OR9Q1: variants seen among roughly 807,000 people sequenced by gnomAD.
OR9Q1 encodes the protein olfactory receptor 9Q1.
For synonymous variants in OR9Q1, 153 were observed against 148.6 expected (o/e 1.03, Z -0.22); for missense variants, 374 against 378.8 (o/e 0.99, Z 0.11).
chr11:58,060,676 A>C (rs186545246), intron 2 of OR9Q1, among the ~76,000 whole-genome samples: 378 of 152,362 alleles, frequency 2.5e-3, no homozygotes, highest in African/African-American at 8.8e-3. Context: ...TGTCTCTGCT[A>C]AAAGTACAAA....
At chr11:58,128,927 G>T (rs931719486) in intron 2 of OR9Q1, among the ~76,000 whole-genome samples, 1 of 152,144 alleles carries the variant, frequency 6.6e-6, no homozygotes. Context: ...TACATGGAAA[G>T]CATGTCCTGT....
intron 1 of OR9Q1, among the ~76,000 whole-genome samples, chr11:58,036,577 T>C (rs1470566636): frequency 1.3e-5 from 2 of 152,214 alleles, no homozygotes; most frequent in Admixed American, 1.3e-4. Flanking sequence ...TCATTCTAGG[T>C]GCCATTAAGA....
chr11:58,108,599 GC>G (rs1351150434), intron 2 of OR9Q1: 1 of 162,350 alleles, frequency 6.2e-6, no homozygotes, highest in Non-Finnish European at 1.3e-5. Context: ...CCACTTACAG[GC>G]ACTGAAGAAA....
intron 1 of OR9Q1, among the ~76,000 whole-genome samples, chr11:58,036,749 G>A (rs568270104): frequency 2.0e-5 from 3 of 152,342 alleles, no homozygotes; most frequent in Admixed American, 1.3e-4. Flanking sequence ...ATTAGAAGTG[G>A]AGCCTGAAGA....
chr11:58,069,008 T>C (rs994702542), intron 2 of OR9Q1, among the ~76,000 whole-genome samples: 1 of 152,150 alleles, frequency 6.6e-6, no homozygotes, highest in African/African-American at 2.4e-5. Context: ...GGGGAAATTC[T>C]GCTTGTTAGT....
At position 58,107,944 on chromosome 11, in the gene OR9Q1, A is replaced by T. The variant is rs144452235; in HGVS notation, c.-15+51997A>T. Among the ~76,000 whole-genome samples the T allele has an allele frequency of 5.9e-5, 9 of 152,264 alleles. No homozygotes were observed. The South Asian group carries it at 8.3e-4, about 14-fold the overall frequency. ...GTAGTATCAATTGAGACTACTTGCT[A>T]CAGGTCTATCATTGTTGACTTTGCA... On this transcript the variant is annotated intron_variant, in intron 2 of 2. Coordinates refer to ENST00000335397, the MANE Select transcript of OR9Q1 (RefSeq NM_001005212.4).
At chr11:58,123,447 T>A (rs1854055995) in intron 2 of OR9Q1, among the ~76,000 whole-genome samples, 1 of 152,194 alleles carries the variant, frequency 6.6e-6, no homozygotes, top group African/African-American at 2.4e-5. Flanking sequence ...TGTTCAAGGC[T>A]CCTGACCAGA....
At chr11:58,125,466 T>A (rs1854082041) in intron 2 of OR9Q1, 1 of 152,218 alleles carries the variant, frequency 6.6e-6, no homozygotes. Context: ...ATCTTGGCCT[T>A]GTAGTCAAGC....
chr11:58,068,494 C>T (rs538218340), intron 2 of OR9Q1, among the ~76,000 whole-genome samples: 1 of 152,206 alleles, frequency 6.6e-6, no homozygotes, highest in African/African-American at 2.4e-5. Flanking sequence ...GTAGGAAGAT[C>T]GTCTTAGCAT....
intron 2 of OR9Q1, among the ~76,000 whole-genome samples, chr11:58,121,191 A>AAATAATT (rs1249381039): frequency 3.9e-5 from 6 of 152,206 alleles, no homozygotes. Context: ...AAATTGGTTA[A>AAATAATT]AATAATTATG....
intron 2 of OR9Q1, among the ~76,000 whole-genome samples, chr11:58,120,476 G>C (rs1180672020): frequency 6.6e-6 from 1 of 151,544 alleles, no homozygotes; most frequent in Admixed American, 6.6e-5. Context: ...ATTTTCATAG[G>C]TTTTTGGGGA....
intron 1 of OR9Q1, among the ~76,000 whole-genome samples, chr11:58,037,689 A>ATATATATATAGT (rs1853119570): frequency 7.1e-4 from 5 of 6,998 alleles, no homozygotes; most frequent in Non-Finnish European, 1.3e-3. Flanking sequence ...ATATATATAT[A>ATATATATATAGT]TTTTTTTTTT....
chr11:58,088,012 C>T (rs776575614), intron 2 of OR9Q1, among the ~76,000 whole-genome samples: 7 of 151,774 alleles, frequency 4.6e-5, no homozygotes, highest in Admixed American at 6.6e-5. Context: ...CTCAGCCTCC[C>T]GAGTATCTGG....
chr11:58,057,626 T>C (rs548331737), intron 2 of OR9Q1: 12 of 152,380 alleles, frequency 7.9e-5, no homozygotes, highest in African/African-American at 2.9e-4. Context: ...GGTTAACTCT[T>C]TCCTACTGTG....
chr11:58,101,019 G>A (rs1853778454), intron 2 of OR9Q1, among the ~76,000 whole-genome samples: 3 of 152,090 alleles, frequency 2.0e-5, no homozygotes, highest in Admixed American at 2.0e-4. Flanking sequence ...CCTGAGAAGT[G>A]TAGTGGGGTT....
At chr11:58,170,630 G>A (rs1441373460) in intron 2 of OR9Q1, among the ~76,000 whole-genome samples, 1 of 152,138 alleles carries the variant, frequency 6.6e-6, no homozygotes, top group Non-Finnish European at 1.5e-5. Flanking sequence ...GAGATAATGA[G>A]TCATGGGGGT....
chr11:58,088,116 C>A, intron 2 of OR9Q1, among the ~76,000 whole-genome samples: 1 of 151,882 alleles, frequency 6.6e-6, no homozygotes, highest in East Asian at 1.9e-4. Flanking sequence ...GCTGGGAGTA[C>A]AGGCATGAGC....
At chr11:58,114,561 T>C (rs1015946003) in intron 2 of OR9Q1, among the ~76,000 whole-genome samples, 7 of 152,100 alleles carry the variant, frequency 4.6e-5, no homozygotes, top group African/African-American at 1.7e-4. Context: ...AGGCAAACAT[T>C]GGGTCTGGGG....
At chr11:58,129,503 C>T (rs987228702) in intron 2 of OR9Q1, among the ~76,000 whole-genome samples, 2 of 151,884 alleles carry the variant, frequency 1.3e-5, no homozygotes, top group Non-Finnish European at 2.9e-5. Flanking sequence ...TTTACTGCGG[C>T]CTATATGATT....
Sources: gnomAD v4.1 joint callset for allele counts (sites outside exome capture counted in the v4.1 genomes callset) on GRCh38, gnomAD v4.1.1 for gene constraint, MANE v1.5 for transcripts, NCBI Gene and HGNC (gene_info 2026-07-23, HGNC 2026-07-21) for gene names.